The following SLC35E3 variants were observed in gnomAD, a reference collection of about 807,000 sequenced individuals.
SLC35E3 encodes the protein solute carrier family 35 member E3.
In SLC35E3, 28 loss-of-function variants were observed where a neutral mutation model predicts 30.8. That is an observed-to-expected ratio of 0.91 (90% CI 0.67 to 1.25). The LOEUF (loss-of-function observed/expected upper bound fraction) is 1.25, where lower values mean the gene tolerates loss of function less well. SLC35E3 is among the 50% of genes most tolerant of loss of function. The pLI, the probability that SLC35E3 is intolerant of heterozygous loss-of-function variation, is 0.00. For synonymous variants in SLC35E3, 146 were observed against 149.2 expected (o/e 0.98, Z 0.16); for missense variants, 365 against 375.4 (o/e 0.97, Z 0.23).
chr12:68,761,312 C>G (rs1879225959), intron 4 of SLC35E3, among the ~76,000 whole-genome samples: 1 of 152,170 alleles, frequency 6.6e-6, no homozygotes. Context: ...CTTTGGAAGG[C>G]CAAGACAGGA....
rs777415333 is a variant in SLC35E3, at chr12:68,746,530, C to T, written c.153C>T (p.Phe51=). Residue 51 remains phenylalanine (F), a synonymous_variant, in exon 1 of 5, where the codon TTC becomes TTT. Coordinates refer to ENST00000398004, the MANE Select transcript of SLC35E3 (RefSeq NM_018656.5). The part of the protein sequence containing the change: ...FPNMSLTLVH[F]VVTWLGLYIC... ...ACATGAGCCTGACCCTGGTGCACTT[C>T]GTGGTCACCTGGCTGGGCTTGTATA... 2.5e-6 allele frequency: 4 copies of T among 1,614,254 alleles called. No individual in the cohort carries two copies. In the East Asian group the frequency reaches 8.9e-5, roughly 36 times the overall value.
Position 68,769,973 on chromosome 12 carries a change from C to G in SLC35E3, c.*5083C>G, listed in dbSNP as rs932853315. 4 of 152,114 alleles carry G rather than the reference C, an allele frequency of 2.6e-5. No individual in the cohort carries two copies. Among genetic ancestry groups the G allele is most frequent in the Non-Finnish European group, 4.4e-5 (3 of 68,028 alleles). 9.4% of individuals were successfully genotyped at this position (152,114 alleles called of 1,614,324 possible). ...AATTAAACAGCAAACTCAATGAATG[C>G]TAAAGGGAACATCGTTCTGTGAGCA... On this transcript the variant is annotated 3_prime_UTR_variant, in exon 5 of 5. Transcript: ENST00000398004.
At position 68,758,668 on chromosome 12, in the gene SLC35E3, C is replaced by T. The variant is rs1489170192; in HGVS notation, c.673-489C>T. Among the ~76,000 whole-genome samples, 60 of 147,666 alleles carry T rather than the reference C, an allele frequency of 4.1e-4. 1 individual carries two copies. Among genetic ancestry groups the T allele is most frequent in the Non-Finnish European group, 4.5e-5 (3 of 66,988 alleles). ...TGGAAAAAATTACGTTTTTTCTAAA[C>T]ACGGTTCATTCTGCTTTTTTACTTG... On this transcript the variant is annotated intron_variant, in intron 3 of 4. Transcript: ENST00000398004.
At chr12:68,764,464 T>G (rs1365087621) in intron 4 of SLC35E3, among the ~76,000 whole-genome samples, 1 of 152,156 alleles carries the variant, frequency 6.6e-6, no homozygotes, top group Non-Finnish European at 1.5e-5. Flanking sequence ...AATTTTTGTA[T>G]TTTTTGTAGA....
Position 68,763,418 on chromosome 12 carries a change from T to G in SLC35E3, c.756-1286T>G, listed in dbSNP as rs4913467. Among the ~76,000 whole-genome samples the G allele has an allele frequency of 6.9e-3, 1,049 of 152,088 alleles. 14 individuals carry two copies. The highest frequency in any genetic ancestry group is 0.024 in the African/African-American group (997 of 41,472). Reference sequence around the variant, plus strand: ...GTGTCTGTGTCTGTGTGATGGAGTTTCGCTCTTGTTGCCCAGGCTGGAGTG... The same window carrying G: ...GTGTCTGTGTCTGTGTGATGGAGTTGCGCTCTTGTTGCCCAGGCTGGAGTG... On this transcript the variant is annotated intron_variant, in intron 4 of 4. Coordinates refer to ENST00000398004, the MANE Select transcript of SLC35E3 (RefSeq NM_018656.5).
rs1879699632 is a variant in SLC35E3 at position 68,774,889 on chromosome 12, T to TAA, written c.*10000_*10001dup. The TAA allele has an allele frequency of 1.4e-5, 2 of 147,590 alleles. No individual in the cohort carries two copies. Among genetic ancestry groups the TAA allele is most frequent in the South Asian group, 4.4e-4 (2 of 4,548 alleles). 9.1% of individuals were successfully genotyped at this position (147,590 alleles called of 1,614,324 possible). A position where few individuals can be genotyped will look rare whatever the true frequency, so the allele number is the denominator to read the frequency against. On this transcript the variant is annotated 3_prime_UTR_variant, in exon 5 of 5. Transcript: ENST00000398004. Reference sequence around the variant, plus strand: ...GTGGCCAGGTGCGGTGGCTCACGCATAATCCCAACACTTTGGGAGGCTGAG... The same window carrying TAA: ...GTGGCCAGGTGCGGTGGCTCACGCATAAAATCCCAACACTTTGGGAGGCTGAG...
rs1161737335 is a variant in SLC35E3 at position 68,780,958 on chromosome 12, C to T, written c.*16068C>T. On this transcript the variant is annotated 3_prime_UTR_variant, in exon 5 of 5. Coordinates refer to ENST00000398004, the MANE Select transcript of SLC35E3 (RefSeq NM_018656.5). ...TTTCCTCCAACGCCTGCCTTTTAGA[C>T]AGAGTGTTGATTCACAGGGAACAGA... 1 of 152,144 alleles carries T rather than the reference C, an allele frequency of 6.6e-6. No homozygotes were observed. Among genetic ancestry groups the T allele is most frequent in the Non-Finnish European group, 1.5e-5 (1 of 68,052 alleles). The allele number at this position is 152,144 out of a possible 1,614,324, so 9.4% of individuals were successfully genotyped here. A position where few individuals can be genotyped will look rare whatever the true frequency, so the allele number is the denominator to read the frequency against.
intron 2 of SLC35E3, among the ~76,000 whole-genome samples, chr12:68,751,797 A>C (rs1244685568): frequency 2.6e-5 from 4 of 152,198 alleles, no homozygotes; most frequent in Admixed American, 6.5e-5. Flanking sequence ...TCCTTCTAAG[A>C]ATTGAGAAGA....
intron 4 of SLC35E3, among the ~76,000 whole-genome samples, chr12:68,762,374 G>T (rs1485969240): frequency 1.3e-5 from 2 of 152,152 alleles, no homozygotes; most frequent in Admixed American, 6.5e-5. Flanking sequence ...GGAAGGAGGA[G>T]ACTGGCACAG....
At chr12:68,750,262 T>C (rs1290822969) in intron 2 of SLC35E3, among the ~76,000 whole-genome samples, 1 of 152,218 alleles carries the variant, frequency 6.6e-6, no homozygotes, top group African/African-American at 2.4e-5. Context: ...AACAAGTTCC[T>C]GCAGATTATA....
intron 2 of SLC35E3, 93 bp from the exon 3 acceptor site, chr12:68,751,939 C>T: frequency 8.0e-7 from 1 of 1,247,486 alleles, no homozygotes; most frequent in Non-Finnish European, 1.1e-6. Context: ...GTCTATACCC[C>T]ACATTCCCAT....
intron 3 of SLC35E3, among the ~76,000 whole-genome samples, chr12:68,754,956 G>C (rs1331829890): frequency 6.6e-6 from 1 of 152,136 alleles, no homozygotes; most frequent in Non-Finnish European, 1.5e-5. Context: ...ACAATGGACT[G>C]GGTGGCTTAA....
Position 68,759,660 on chromosome 12 carries a change from T to C in SLC35E3, c.755+421T>C, listed in dbSNP as rs565587447. On this transcript the variant is annotated intron_variant, in intron 4 of 4. Transcript: ENST00000398004. The stretch of plus-strand genomic sequence containing the variant: ...CGGAGGTTACAGTGAGCTGAGATTG[T>C]GCCACTGTACTCCAGCCTGGGCAAC... Among the ~76,000 whole-genome samples the C allele has an allele frequency of 6.6e-5, 10 of 151,112 alleles. No individual in the cohort carries two copies. The South Asian group carries it at 2.1e-3, about 32-fold the overall frequency.
At chr12:68,757,932 T>G (rs1879085577) in intron 3 of SLC35E3, among the ~76,000 whole-genome samples, 1 of 141,060 alleles carries the variant, frequency 7.1e-6, no homozygotes, top group Non-Finnish European at 1.5e-5. Context: ...TACCAAAAAA[T>G]TCAAAAAAAA....
intron 4 of SLC35E3, chr12:68,760,018 T>G (rs1879186161): frequency 6.6e-6 from 1 of 152,208 alleles, no homozygotes; most frequent in Non-Finnish European, 1.5e-5. Context: ...GGTGTGCCTG[T>G]TTTTCTCAAT....
At chr12:68,762,356 A>G (rs1879256778) in intron 4 of SLC35E3, among the ~76,000 whole-genome samples, 1 of 152,160 alleles carries the variant, frequency 6.6e-6, no homozygotes, top group African/African-American at 2.4e-5. Flanking sequence ...GAGCAGTCAG[A>G]GGTGGAAGGA....
chr12:68,748,699 T>C (rs1025008227), intron 2 of SLC35E3, among the ~76,000 whole-genome samples: 1 of 152,194 alleles, frequency 6.6e-6, no homozygotes, highest in African/African-American at 2.4e-5. Flanking sequence ...TCTTATTTAG[T>C]GGAGAAAAAA....
rs1170675159 is a variant in SLC35E3 at position 68,758,040 on chromosome 12, C to A, written c.673-1117C>A. Among the ~76,000 whole-genome samples the A allele has an allele frequency of 2.0e-5, 3 of 150,060 alleles. No homozygotes were observed. In the East Asian group the frequency reaches 5.9e-4, roughly 29 times the overall value. On this transcript the variant is annotated intron_variant, in intron 3 of 4. Transcript: ENST00000398004. ...CTGGGAGGCAGAAGTTGCAGTGAGT[C>A]AAGATTGCACCACTGCACTCTAGAC... is the stretch of plus-strand genomic sequence containing the variant.
chr12:68,746,342 C>T lies in SLC35E3; in HGVS notation c.-36C>T. On this transcript the variant is annotated 5_prime_UTR_variant, in exon 1 of 5. Coordinates refer to ENST00000398004, the MANE Select transcript of SLC35E3 (RefSeq NM_018656.5). ...GCAGCCGGAGACAGGCCCGGCGCCC[C>T]TTCCGAGGCTAGACGGCCCCAGCTT... is the stretch of plus-strand genomic sequence containing the variant. The T allele has an allele frequency of 6.5e-7, 1 of 1,528,978 alleles. No individual in the cohort carries two copies. Among genetic ancestry groups the T allele is most frequent in the South Asian group, 1.3e-5 (1 of 77,046 alleles). The allele number at this position is 1,528,978 out of a possible 1,614,324, so 94.7% of individuals were successfully genotyped here. A position where few individuals can be genotyped will look rare whatever the true frequency, so the allele number is the denominator to read the frequency against.
Sources: gnomAD v4.1 joint callset for allele counts (sites outside exome capture counted in the v4.1 genomes callset) on GRCh38, gnomAD v4.1.1 for gene constraint, MANE v1.5 for transcripts, NCBI Gene and HGNC (gene_info 2026-07-23, HGNC 2026-07-21) for gene names.